Variants in ROR2 observed in about 807,000 individuals in gnomAD.
The protein encoded by ROR2 is tyrosine-protein kinase transmembrane receptor ROR2.
ROR2 carries 33 observed loss-of-function variants against 74.9 expected under a neutral mutation model. The observed-to-expected ratio is 0.44, with a 90% CI of 0.33 to 0.59. The LOEUF (loss-of-function observed/expected upper bound fraction) is 0.59. ROR2 is among the 20% of genes least tolerant of loss of function. ROR2 has a pLI of 0.02. For missense variants in ROR2, 1,216 were observed against 1,313.8 expected, an observed-to-expected ratio of 0.93 and a Z score of 1.15; for synonymous variants, 586 against 558.7, an observed-to-expected ratio of 1.05 and a Z score of -0.69.
In ROR2 at chr9:91,723,986, G is replaced by A; in HGVS notation, c.2508C>T (p.Asn836=). ...PVPAYGAYLP[N]FYPVQIPMQM... is the part of the protein sequence containing the mutation. ...GCATTGGGATCTGCACCGGGTAGAAGTTGGGCAGGTAGGCCCCATAGGCCG... is the reference window on the plus strand; with the variant it reads ...GCATTGGGATCTGCACCGGGTAGAAATTGGGCAGGTAGGCCCCATAGGCCG... Residue 836 remains asparagine, a synonymous_variant, in exon 9 of 9, where the codon AAC becomes AAT. Transcript: ENST00000375708. 6.2e-7 allele frequency: 1 copy of A among 1,612,998 alleles called. No homozygotes were observed. Among genetic ancestry groups the A allele is most frequent in the Non-Finnish European group, 8.5e-7 (1 of 1,180,036 alleles).
chr9:91,867,773 G>A (rs1357906760), intron 1 of ROR2, among the ~76,000 whole-genome samples: 1 of 150,344 alleles, frequency 6.7e-6, no homozygotes, highest in Non-Finnish European at 1.5e-5. Context: ...TCTGGCCACA[G>A]TGTGGCACAC....
At chr9:91,923,975 A>C (rs1349693664) in intron 1 of ROR2, 1 of 152,272 alleles carries the variant, frequency 6.6e-6, no homozygotes, top group Non-Finnish European at 1.5e-5. Context: ...GTGCCTTCCT[A>C]TTCCAGGGTT....
At chr9:91,892,304 C>T (rs1301245694) in intron 1 of ROR2, among the ~76,000 whole-genome samples, 1 of 152,200 alleles carries the variant, frequency 6.6e-6, no homozygotes, top group African/African-American at 2.4e-5. Flanking sequence ...AAACTTGGGG[C>T]ATCTTCAAAT....
chr9:91,874,014 G>T (rs1829882020), intron 1 of ROR2, among the ~76,000 whole-genome samples: 1 of 152,078 alleles, frequency 6.6e-6, no homozygotes, highest in Admixed American at 6.5e-5. Flanking sequence ...GGCTTCTTTT[G>T]CTCTGATGAA....
intron 3 of ROR2, 114 bp from the exon 4 acceptor site, chr9:91,756,215 A>T (rs1825745379): frequency 1.0e-6 from 1 of 1,000,738 alleles, no homozygotes; most frequent in Non-Finnish European, 1.6e-6. Context: ...ACTGGTGGGC[A>T]GCTGTCCTCG....
At chr9:91,896,191 A>G (rs2119413446) in intron 1 of ROR2, among the ~76,000 whole-genome samples, 1 of 152,324 alleles carries the variant, frequency 6.6e-6, no homozygotes, top group South Asian at 2.1e-4. Context: ...CAATATTGTG[A>G]AGATGAAAAA....
Position 91,925,466 on chromosome 9 carries a change from A to ATGTG in ROR2, c.97+24397_97+24400dup, listed in dbSNP as rs35012954. On this transcript the variant is annotated intron_variant, in intron 1 of 8. Transcript: ENST00000375708. Reference sequence around the variant, plus strand: ...CCTGACAATGCTGTCAGCTGCCTGTATGTGTGTGTGTGTGTGTGTGTGTGT... The same window carrying ATGTG: ...CCTGACAATGCTGTCAGCTGCCTGTATGTGTGTGTGTGTGTGTGTGTGTGTGTGT... Among the ~76,000 whole-genome samples the ATGTG allele has an allele frequency of 7.0e-3, 1,013 of 144,588 alleles. 4 individuals carry two copies. The highest frequency in any genetic ancestry group is 0.013 in the African/African-American group (485 of 37,394). The allele number at this position is 144,588 out of a possible 152,430, so 94.9% of individuals were successfully genotyped here. A position where few individuals can be genotyped will look rare whatever the true frequency, so the allele number is the denominator to read the frequency against.
intron 1 of ROR2, among the ~76,000 whole-genome samples, chr9:91,909,842 G>GTTTTTTTTTTTTTTTTTTTTTTTTTT (rs1232142986): frequency 3.6e-5 from 2 of 55,978 alleles, no homozygotes; most frequent in African/African-American, 1.5e-4. Context: ...TTTTAGGTTT[G>GTTTTTTTTTTTTTTTTTTTTTTTTTT]TTTTGTTTTT....
chr9:91,876,623 A>T lies in ROR2; in HGVS notation c.97+73244T>A, dbSNP rs148378761. 4.6e-3 allele frequency among the ~76,000 whole-genome samples: 699 copies of T among 152,346 alleles called. 6 individuals carry two copies. The highest frequency in any genetic ancestry group is 0.016 in the African/African-American group (654 of 41,564). ...GAAAACAAATCACTCCAGAGGAAAC[A>T]AAGATGACTCAAGAGCCAAAAGAAA... On this transcript the variant is annotated intron_variant, in intron 1 of 8. Transcript: ENST00000375708.
intron 4 of ROR2, among the ~76,000 whole-genome samples, chr9:91,747,938 G>A (rs772595512): frequency 5.9e-5 from 9 of 152,324 alleles, no homozygotes; most frequent in Middle Eastern, 3.4e-3. Flanking sequence ...TGGAACTGGG[G>A]AGATGTTGGT....
chr9:91,892,876 C>T (rs1354457149), intron 1 of ROR2, among the ~76,000 whole-genome samples: 1 of 152,174 alleles, frequency 6.6e-6, no homozygotes, highest in Non-Finnish European at 1.5e-5. Flanking sequence ...AGGCGTGAGC[C>T]ACCATGCCTG....
At chr9:91,750,818 AAAAT>A (rs1825576538) in intron 4 of ROR2, among the ~76,000 whole-genome samples, 1 of 146,832 alleles carries the variant, frequency 6.8e-6, no homozygotes, top group Non-Finnish European at 1.6e-5. Context: ...ATGGAATCTG[AAAAT>A]AATGAGGATA....
rs186761034 is a variant in ROR2, at chr9:91,794,204, A to T, written c.98-18386T>A. On this transcript the variant is annotated intron_variant, in intron 1 of 8. Coordinates refer to ENST00000375708, the MANE Select transcript of ROR2 (RefSeq NM_004560.4). ...ATAACAGTGGATATAATAAAAATAC[A>T]ATAAGGACAGCAATATTCACAAGTT... Among the ~76,000 whole-genome samples, 9 of 152,378 alleles carry T rather than the reference A, an allele frequency of 5.9e-5. No homozygotes were observed. In the East Asian group the frequency reaches 1.7e-3, roughly 29 times the overall value.
intron 1 of ROR2, among the ~76,000 whole-genome samples, chr9:91,885,512 G>A (rs1312987105): frequency 6.6e-6 from 1 of 152,204 alleles, no homozygotes; most frequent in African/African-American, 2.4e-5. Context: ...TGTGGCTCCC[G>A]CCTGGGCCTG....
intron 1 of ROR2, among the ~76,000 whole-genome samples, chr9:91,793,060 C>T (rs1208886228): frequency 1.3e-5 from 2 of 152,182 alleles, no homozygotes; most frequent in African/African-American, 4.8e-5. Flanking sequence ...CCAACTTATT[C>T]TATGAGGTCA....
intron 1 of ROR2, among the ~76,000 whole-genome samples, chr9:91,789,324 T>G (rs577689930): frequency 6.6e-5 from 10 of 152,184 alleles, no homozygotes; most frequent in Non-Finnish European, 1.3e-4. Flanking sequence ...TCCTTCAAGA[T>G]GAAATAAAAG....
At chr9:91,915,306 G>T (rs1462713241) in intron 1 of ROR2, among the ~76,000 whole-genome samples, 1 of 152,190 alleles carries the variant, frequency 6.6e-6, no homozygotes, top group African/African-American at 2.4e-5. Flanking sequence ...TGGCACCCCT[G>T]GGGAAGAGGT....
intron 1 of ROR2, among the ~76,000 whole-genome samples, chr9:91,917,222 C>A (rs530230802): frequency 2.0e-5 from 3 of 152,184 alleles, no homozygotes; most frequent in African/African-American, 7.2e-5. Context: ...ATTTTTTGTG[C>A]TGTCATTTAC....
At chr9:91,768,382 G>A (rs1034867991) in intron 2 of ROR2, among the ~76,000 whole-genome samples, 2 of 152,158 alleles carry the variant, frequency 1.3e-5, no homozygotes, top group Non-Finnish European at 2.9e-5. Context: ...CTACACACAG[G>A]TGACATCCAC....
Sources: allele counts gnomAD v4.1 joint callset (sites outside exome capture counted in the v4.1 genomes callset), GRCh38; gene constraint gnomAD v4.1.1; transcripts MANE v1.5; gene names NCBI Gene and HGNC (gene_info 2026-07-23, HGNC 2026-07-21).